Variants in CRACD observed in about 807,000 individuals in gnomAD.
CRACD encodes capping protein-inhibiting regulator of actin dynamics.
In CRACD, 56 loss-of-function variants were observed where a neutral mutation model predicts 106.8. That is an observed-to-expected ratio of 0.52 (90% CI 0.42 to 0.66). The LOEUF (loss-of-function observed/expected upper bound fraction) is 0.66, where lower values mean the gene tolerates loss of function less well. Ranked by LOEUF, CRACD falls within the 30% of genes least tolerant of loss-of-function variation. The pLI is 0.00. For missense variants in CRACD, 1,730 were observed against 1,623.2 expected, an observed-to-expected ratio of 1.07 and a Z score of -1.13; for synonymous variants, 754 against 670.8, an observed-to-expected ratio of 1.12 and a Z score of -1.92.
chr4:56,105,500 G>C (rs1733921542), intron 1 of CRACD, among the ~76,000 whole-genome samples: 2 of 152,126 alleles, frequency 1.3e-5, no homozygotes. Flanking sequence ...CATATATATA[G>C]ATATACTAAT....
Position 56,316,454 on chromosome 4 carries a change from C to T in CRACD, c.2952C>T (p.Tyr984=). 9 of 1,614,110 alleles carry T rather than the reference C, an allele frequency of 5.6e-6. No individual in the cohort carries two copies. The highest frequency in any genetic ancestry group is 7.6e-6 in the Non-Finnish European group (9 of 1,179,930). Residue 984 remains tyrosine (Y), a synonymous_variant, in exon 8 of 11, where the codon TAC becomes TAT. Coordinates refer to ENST00000682029, the MANE Select transcript of CRACD (RefSeq NM_001393381.1). The part of the protein sequence containing the change: ...ASPLSKLSRP[Y]LVELLSRRAG... ...CACTTTCCAAACTGAGCAGGCCCTA[C>T]TTGGTAGAGCTGCTGTCTCGCCGAG... is the stretch of plus-strand genomic sequence containing the variant.
Position 56,314,806 on chromosome 4 carries a change from G to T in CRACD, c.1304G>T (p.Arg435Leu), listed in dbSNP as rs754519347. The T allele has an allele frequency of 1.9e-6, 3 of 1,606,124 alleles. No homozygotes were observed. Among genetic ancestry groups the T allele is most frequent in the East Asian group, 2.2e-5 (1 of 44,532 alleles). ...DFEERLEDQE[R>L]LKPEGQREHS... is the part of the protein sequence containing the mutation. The stretch of plus-strand genomic sequence containing the variant: ...GAGGAGAGGCTCGAAGACCAGGAAC[G>T]CCTGAAACCCGAAGGACAAAGAGAA... Residue 435 changes from arginine to leucine, a missense_variant, in exon 8 of 11, where the codon CGC (arginine) becomes CTC (leucine). Arg to Leu is a moderately radical substitution (Grantham distance 102, BLOSUM62 -2). Around this residue, in one of 5 missense-constraint regions of CRACD, gnomAD observed 1,620 missense variants for 1,481.6 expected, o/e 1.09. Coordinates refer to ENST00000682029, the MANE Select transcript of CRACD (RefSeq NM_001393381.1). This position sits in a 1 kb window ranked among gnomAD's most constrained non-coding sequence, Gnocchi z 4.4.
intron 1 of CRACD, among the ~76,000 whole-genome samples, chr4:56,109,134 G>A (rs1174986015): frequency 1.3e-5 from 2 of 152,222 alleles, no homozygotes; most frequent in Non-Finnish European, 2.9e-5. Context: ...CCTTATGCGG[G>A]CGTGACAGAG....
At chr4:56,121,761 G>A (rs1356229569) in intron 1 of CRACD, among the ~76,000 whole-genome samples, 1 of 152,204 alleles carries the variant, frequency 6.6e-6, no homozygotes. Context: ...TTCCACAGAT[G>A]TATCAGTGGG....
At chr4:56,260,074 A>G (rs1033646542) in intron 2 of CRACD, among the ~76,000 whole-genome samples, 1 of 152,210 alleles carries the variant, frequency 6.6e-6, no homozygotes, top group African/African-American at 2.4e-5. Context: ...TTAGCAGAGG[A>G]AGATAGCTAT....
chr4:56,070,064 C>A (rs962293883), intron 1 of CRACD, among the ~76,000 whole-genome samples: 1 of 152,180 alleles, frequency 6.6e-6, no homozygotes. Context: ...TGATTTCCTT[C>A]AGCTACACAA....
At chr4:56,183,643 C>T (rs1002772844) in intron 2 of CRACD, among the ~76,000 whole-genome samples, 13 of 152,174 alleles carry the variant, frequency 8.5e-5, no homozygotes, top group African/African-American at 2.4e-4. Context: ...TGTGTTAAGT[C>T]TGGGAGGTGA....
chr4:56,181,614 C>T (rs1268875817), intron 2 of CRACD, among the ~76,000 whole-genome samples: 1 of 152,112 alleles, frequency 6.6e-6, no homozygotes, highest in African/African-American at 2.4e-5. Flanking sequence ...GGCTAGAAGT[C>T]CAAAATCAAG....
At chr4:56,173,103 A>G (rs1736442884) in intron 1 of CRACD, among the ~76,000 whole-genome samples, 1 of 152,224 alleles carries the variant, frequency 6.6e-6, no homozygotes, top group Non-Finnish European at 1.5e-5. Flanking sequence ...AAATGCAGGC[A>G]ACTTTCTCTT....
intron 2 of CRACD, among the ~76,000 whole-genome samples, chr4:56,243,895 A>G (rs1035641544): frequency 6.6e-6 from 1 of 152,086 alleles, no homozygotes; most frequent in African/African-American, 2.4e-5. Context: ...TTTTTGTACC[A>G]ATTAACCATC....
intron 8 of CRACD, among the ~76,000 whole-genome samples, chr4:56,322,016 G>A (rs1314578139): frequency 6.6e-6 from 1 of 152,168 alleles, no homozygotes; most frequent in East Asian, 1.9e-4. Context: ...TGGAAGTAAG[G>A]TTCTGGACTA....
At chr4:56,285,596 C>G (rs575557137) in intron 3 of CRACD, among the ~76,000 whole-genome samples, 1 of 152,110 alleles carries the variant, frequency 6.6e-6, no homozygotes, top group Non-Finnish European at 1.5e-5. Context: ...CGGGCCACCA[C>G]GCCCCATGAA....
chr4:56,252,956 G>T (rs1484278098), intron 2 of CRACD, among the ~76,000 whole-genome samples: 2 of 152,202 alleles, frequency 1.3e-5, no homozygotes, highest in African/African-American at 2.4e-5. Context: ...CACATATTTT[G>T]TGCAGCTTTG....
At chr4:56,271,892 GCAC>G (rs1283381849) in intron 2 of CRACD, among the ~76,000 whole-genome samples, 1 of 152,076 alleles carries the variant, frequency 6.6e-6, no homozygotes, top group Non-Finnish European at 1.5e-5. Flanking sequence ...CTAAAGGCGT[GCAC>G]CACCAACCCG....
intron 1 of CRACD, among the ~76,000 whole-genome samples, chr4:56,080,850 C>T (rs140105956): frequency 1.4e-3 from 212 of 152,282 alleles, no homozygotes; most frequent in African/African-American, 4.8e-3. Flanking sequence ...GGCACCAGAC[C>T]GTTATTAACA....
At chr4:56,311,470 A>C (rs922705647) in intron 6 of CRACD, 1 of 152,242 alleles carries the variant, frequency 6.6e-6, no homozygotes, top group African/African-American at 2.4e-5. Flanking sequence ...TATGTCTTCA[A>C]TCTGTCACAT....
intron 3 of CRACD, among the ~76,000 whole-genome samples, chr4:56,274,029 G>C (rs552275503): frequency 2.0e-5 from 3 of 152,196 alleles, no homozygotes; most frequent in Admixed American, 6.5e-5. Context: ...GCATTTGTTA[G>C]TCCTGATACT....
intron 2 of CRACD, among the ~76,000 whole-genome samples, chr4:56,213,228 C>T (rs978696065): frequency 1.3e-5 from 2 of 152,152 alleles, no homozygotes; most frequent in African/African-American, 4.8e-5. Flanking sequence ...AGGTGGATCA[C>T]CTGAGGTTGG....
intron 2 of CRACD, among the ~76,000 whole-genome samples, chr4:56,199,726 A>G (rs1314319836): frequency 6.6e-6 from 1 of 151,568 alleles, no homozygotes; most frequent in Non-Finnish European, 1.5e-5. Flanking sequence ...AGAACCTAAT[A>G]TTTCTTTATG....
Sources: allele counts gnomAD v4.1 joint callset (sites outside exome capture counted in the v4.1 genomes callset), GRCh38; gene constraint gnomAD v4.1.1; regional missense constraint gnomAD v4.1.1; non-coding constraint Gnocchi (gnomAD v3.1); transcripts MANE v1.5; gene names NCBI Gene and HGNC (gene_info 2026-07-23, HGNC 2026-07-21).